Variants in UNC13C observed in about 807,000 individuals in gnomAD.
UNC13C encodes unc-13 homolog C, also known as protein unc-13 homolog C.
In UNC13C, 174 loss-of-function variants were observed where a neutral mutation model predicts 245.4. That is an observed-to-expected ratio of 0.71 (90% CI 0.63 to 0.80). The LOEUF (loss-of-function observed/expected upper bound fraction) is 0.80. UNC13C is among the 30% of genes least tolerant of loss of function. The pLI, the probability that UNC13C is intolerant of heterozygous loss-of-function variation, is 0.00. For missense variants in UNC13C, 2,829 were observed against 2,602.9 expected (o/e 1.09, Z -1.89); for synonymous variants, 992 against 895.1 (o/e 1.11, Z -1.93).
At chr15:54,401,836 C>G (rs917870832) in intron 18 of UNC13C, among the ~76,000 whole-genome samples, 2 of 152,008 alleles carry the variant, frequency 1.3e-5, no homozygotes, top group Non-Finnish European at 1.5e-5. Flanking sequence ...CTGTTTGACT[C>G]CAGTAGACAG....
chr15:54,609,568 C>T (rs1039202382), intron 30 of UNC13C: 3 of 152,064 alleles, frequency 2.0e-5, no homozygotes, highest in Non-Finnish European at 4.4e-5. Flanking sequence ...TAATTAAGTG[C>T]TAGATGTTTG....
At chr15:54,006,174 T>C (rs1169772671) in intron 1 of UNC13C, among the ~76,000 whole-genome samples, 1 of 152,220 alleles carries the variant, frequency 6.6e-6, no homozygotes, top group Non-Finnish European at 1.5e-5. Context: ...AAGGACTTTG[T>C]AGATCCTAAG....
intron 30 of UNC13C, among the ~76,000 whole-genome samples, chr15:54,598,481 A>G (rs780223570): frequency 2.6e-5 from 4 of 152,210 alleles, no homozygotes; most frequent in Admixed American, 6.5e-5. Context: ...ATACAGAGAT[A>G]GTTCGATGCT....
Position 54,038,856 on chromosome 15 carries a change from A to T in UNC13C, c.2983+22970A>T, listed in dbSNP as rs1420915483. Reference sequence around the variant, plus strand: ...ACATATAGGTTATTTCCATTTTTACATAAATAATTTTCATGAACTTAACAC... The same window carrying T: ...ACATATAGGTTATTTCCATTTTTACTTAAATAATTTTCATGAACTTAACAC... On this transcript the variant is annotated intron_variant, in intron 2 of 32. Transcript: ENST00000260323. Among the ~76,000 whole-genome samples, 4 of 152,194 alleles carry T rather than the reference A, an allele frequency of 2.6e-5. No homozygotes were observed. The East Asian group carries it at 7.7e-4, about 29-fold the overall frequency.
At chr15:54,315,771 C>T (rs1187335274) in intron 13 of UNC13C, among the ~76,000 whole-genome samples, 1 of 151,764 alleles carries the variant, frequency 6.6e-6, no homozygotes, top group Admixed American at 6.6e-5. Flanking sequence ...GTTCCCAGCT[C>T]ACTTGGCAGA....
At position 54,172,293 on chromosome 15, in the gene UNC13C, A is replaced by T. The variant is rs569076778; in HGVS notation, c.3071+28609A>T. ...AACACAAAGAAAGCATACATTCTTC[A>T]GGTGAAGGATACCCCATTGACTCTT... On this transcript the variant is annotated intron_variant, in intron 4 of 32. Coordinates refer to ENST00000260323, the MANE Select transcript of UNC13C (RefSeq NM_001080534.3). 8.5e-5 allele frequency among the ~76,000 whole-genome samples: 13 copies of T among 152,186 alleles called. No homozygotes were observed. In the South Asian group the frequency reaches 2.7e-3, roughly 32 times the overall value.
the UNC13C span, among the ~76,000 whole-genome samples, chr15:53,937,535 C>G: frequency 1.1e-4 from 17 of 152,136 alleles, no homozygotes; most frequent in African/African-American, 4.1e-4. Context: ...TGCAGAGAAC[C>G]CCAGTAAGAT....
chr15:54,208,651 A>G (rs2034787828), intron 4 of UNC13C, among the ~76,000 whole-genome samples: 1 of 152,072 alleles, frequency 6.6e-6, no homozygotes, highest in Non-Finnish European at 1.5e-5. Flanking sequence ...ATAAGAACTA[A>G]ACCAGAATAA....
chr15:54,226,354 C>T (rs8030340), intron 4 of UNC13C, among the ~76,000 whole-genome samples: 41,258 of 152,056 alleles, frequency 0.27, 8,181 homozygotes, highest in African/African-American at 0.54. Context: ...TTTCAATTGC[C>T]TGGAGTAGTT....
At chr15:53,874,078 C>G in the UNC13C span, among the ~76,000 whole-genome samples, 1 of 151,960 alleles carries the variant, frequency 6.6e-6, no homozygotes, top group Non-Finnish European at 1.5e-5. Flanking sequence ...TAGGCTCCGT[C>G]AATTTTCCCA....
chr15:54,053,702 C>G (rs1020966949), intron 2 of UNC13C, among the ~76,000 whole-genome samples: 1 of 152,048 alleles, frequency 6.6e-6, no homozygotes, highest in African/African-American at 2.4e-5. Flanking sequence ...ACTGTAGTCC[C>G]TTTGTTGTGC....
chr15:54,381,198 T>A (rs1167944739), intron 17 of UNC13C, among the ~76,000 whole-genome samples: 1 of 152,174 alleles, frequency 6.6e-6, no homozygotes, highest in Admixed American at 6.5e-5. Context: ...TTTCTTAACA[T>A]CATTGATTGA....
At chr15:54,326,031 C>T (rs773478287) in intron 14 of UNC13C, among the ~76,000 whole-genome samples, 3 of 151,748 alleles carry the variant, frequency 2.0e-5, no homozygotes, top group African/African-American at 4.8e-5. Flanking sequence ...TCAGAGGAAA[C>T]GAAGGAAGTG....
At chr15:54,139,382 T>C (rs994893391) in intron 2 of UNC13C, among the ~76,000 whole-genome samples, 6 of 152,174 alleles carry the variant, frequency 3.9e-5, no homozygotes, top group Non-Finnish European at 5.9e-5. Flanking sequence ...CACATTGTGA[T>C]GTACCAGACG....
chr15:54,276,312 A>C (rs1454893995), intron 10 of UNC13C, among the ~76,000 whole-genome samples: 2 of 152,130 alleles, frequency 1.3e-5, no homozygotes, highest in Admixed American at 6.5e-5. Flanking sequence ...TTATACCCCA[A>C]TAAACAGTTG....
rs1176706998 is a variant in UNC13C, at chr15:54,015,705, GT to G, written c.2804del (p.Leu935Ter). The part of the protein sequence containing the change: ...PADDMVSEEG[L>X]EPLNETSAEM... ...CAGATGATATGGTTAGTGAAGAGGG[GT>G]TAGAACCCTTAAATGAAACATCAGC... On this transcript the variant is annotated frameshift_variant, in exon 2 of 33. Transcript: ENST00000260323. LOFTEE classifies it high-confidence loss of function. 1.2e-6 allele frequency: 2 copies of G among 1,613,536 alleles called. No individual in the cohort carries two copies. Among genetic ancestry groups the G allele is most frequent in the African/African-American group, 2.7e-5 (2 of 74,904 alleles).
At chr15:54,450,920 G>T (rs1891138005) in intron 19 of UNC13C, among the ~76,000 whole-genome samples, 1 of 152,106 alleles carries the variant, frequency 6.6e-6, no homozygotes, top group African/African-American at 2.4e-5. Context: ...AACCACCCAA[G>T]AGTTTCTTTT....
At chr15:54,483,740 C>T (rs997377308) in intron 19 of UNC13C, among the ~76,000 whole-genome samples, 1 of 152,182 alleles carries the variant, frequency 6.6e-6, no homozygotes, top group African/African-American at 2.4e-5. Context: ...CTGTCATGAG[C>T]CACTGCGCCC....
At chr15:54,475,269 T>C (rs1596447517) in intron 19 of UNC13C, among the ~76,000 whole-genome samples, 1 of 146,618 alleles carries the variant, frequency 6.8e-6, no homozygotes, top group East Asian at 2.0e-4. Flanking sequence ...GTGAGAGGGG[T>C]ATGGTTTTTT....
Sources: allele counts gnomAD v4.1 joint callset (sites outside exome capture counted in the v4.1 genomes callset), GRCh38; gene constraint gnomAD v4.1.1; transcripts MANE v1.5; gene names NCBI Gene and HGNC (gene_info 2026-07-23, HGNC 2026-07-21).